SYN3: variants seen among roughly 807,000 people sequenced by gnomAD.
The protein encoded by SYN3 is synapsin-3.
In SYN3, 35 loss-of-function variants were observed where a neutral mutation model predicts 65.8. The ratio of observed to expected loss-of-function variants is 0.53; its 90% CI spans 0.41 to 0.70. SYN3 has a LOEUF of 0.70. Ranked by LOEUF, SYN3 falls within the 30% of genes least tolerant of loss-of-function variation. SYN3 has a pLI of 0.00. For missense variants in SYN3, 680 were observed against 749.0 expected (o/e 0.91, Z 1.08); for synonymous variants, 270 against 292.9 (o/e 0.92, Z 0.80).
intron 6 of SYN3, among the ~76,000 whole-genome samples, chr22:32,649,938 A>G (rs1681888109): frequency 6.6e-6 from 1 of 152,144 alleles, no homozygotes; most frequent in Admixed American, 6.5e-5. Context: ...ATCAGTGGGG[A>G]AAAAGCCAGG....
chr22:32,684,513 A>G (rs1344760218), intron 6 of SYN3, among the ~76,000 whole-genome samples: 1 of 152,186 alleles, frequency 6.6e-6, no homozygotes, highest in African/African-American at 2.4e-5. Flanking sequence ...CACCATCACC[A>G]AGCTCTTTTC....
intron 6 of SYN3, among the ~76,000 whole-genome samples, chr22:32,748,948 G>C (rs1303844763): frequency 1.3e-5 from 2 of 152,054 alleles, no homozygotes; most frequent in Non-Finnish European, 1.5e-5. Context: ...TTTCCCTCTG[G>C]GGCTTATTGA....
At chr22:32,595,527 T>C (rs1204096318) in intron 7 of SYN3, among the ~76,000 whole-genome samples, 3 of 152,196 alleles carry the variant, frequency 2.0e-5, no homozygotes, top group African/African-American at 7.2e-5. Flanking sequence ...TATTATATTA[T>C]TGACTTTTGC....
chr22:32,627,204 C>T lies in SYN3; in HGVS notation c.712-30468G>A, dbSNP rs1008000607. ...GCAGGGCTGGGCATCCGAGCTGGCA[C>T]GGTTCAAGTGCACCACAGCATTCTG... On this transcript the variant is annotated intron_variant, in intron 6 of 13. Coordinates refer to ENST00000358763, the MANE Select transcript of SYN3 (RefSeq NM_003490.4). Among the ~76,000 whole-genome samples the T allele has an allele frequency of 9.2e-5, 14 of 151,910 alleles. 1 individual carries two copies. The highest frequency in any genetic ancestry group is 8.3e-4 in the South Asian group (4 of 4,810).
intron 3 of SYN3, among the ~76,000 whole-genome samples, chr22:32,972,626 T>C (rs939846921): frequency 2.6e-5 from 4 of 152,182 alleles, no homozygotes; most frequent in Admixed American, 2.0e-4. Context: ...CTGCTTCTAG[T>C]GGTAGTTACA....
In SYN3 at chr22:32,837,304, G is replaced by A. The variant is rs2047760366; in HGVS notation, c.711+27611C>T. Among the ~76,000 whole-genome samples the A allele has an allele frequency of 6.6e-6, 1 of 152,188 alleles. No individual in the cohort carries two copies. The highest frequency in any genetic ancestry group is 2.1e-4 in the South Asian group (1 of 4,826). On this transcript the variant is annotated intron_variant, in intron 6 of 13. Coordinates refer to ENST00000358763, the MANE Select transcript of SYN3 (RefSeq NM_003490.4). The surrounding 1 kb of genome is among the most constrained non-coding windows in gnomAD (Gnocchi z 4.1). Reference sequence around the variant, plus strand: ...TCCCATGGGCCCCCGTGGAGAGGCTGGAGCACTCTCAGGGGATAGGGGGTG... The same window carrying A: ...TCCCATGGGCCCCCGTGGAGAGGCTAGAGCACTCTCAGGGGATAGGGGGTG...
At chr22:32,608,363 C>T (rs2059397897) in intron 6 of SYN3, among the ~76,000 whole-genome samples, 1 of 152,204 alleles carries the variant, frequency 6.6e-6, no homozygotes, top group Middle Eastern at 3.2e-3. Context: ...AGCCACCATG[C>T]CCAGCCCATG....
chr22:32,624,396 G>A (rs1165906652), intron 6 of SYN3, among the ~76,000 whole-genome samples: 3 of 152,158 alleles, frequency 2.0e-5, no homozygotes, highest in South Asian at 4.1e-4. Context: ...ACTGATGGTC[G>A]GTGGATACAC....
At chr22:32,637,525 T>A (rs2059832565) in intron 6 of SYN3, among the ~76,000 whole-genome samples, 1 of 152,138 alleles carries the variant, frequency 6.6e-6, no homozygotes, top group African/African-American at 2.4e-5. Flanking sequence ...TGCAGCTTTG[T>A]TACCTGGGCG....
chr22:32,683,196 A>G (rs2060546512), intron 6 of SYN3, among the ~76,000 whole-genome samples: 1 of 152,132 alleles, frequency 6.6e-6, no homozygotes, highest in Admixed American at 6.5e-5. Context: ...ATTCATGACC[A>G]TATCAATGGT....
intron 6 of SYN3, among the ~76,000 whole-genome samples, chr22:32,751,989 G>T (rs1016826080): frequency 2.6e-5 from 4 of 152,172 alleles, no homozygotes; most frequent in African/African-American, 9.7e-5. Flanking sequence ...TATTCTCTAG[G>T]TTGTTCGTTT....
At chr22:32,568,767 G>C (rs2058706042) in intron 7 of SYN3, among the ~76,000 whole-genome samples, 1 of 152,192 alleles carries the variant, frequency 6.6e-6, no homozygotes, top group African/African-American at 2.4e-5. Flanking sequence ...CAGACAGATA[G>C]GTGGATACCT....
chr22:32,897,228 C>A (rs1311783598), intron 4 of SYN3, among the ~76,000 whole-genome samples: 1 of 152,166 alleles, frequency 6.6e-6, no homozygotes, highest in African/African-American at 2.4e-5. Context: ...GCCGGCAGAC[C>A]TGTTGTTTTC....
chr22:33,010,438 C>T (rs527523732), intron 1 of SYN3, among the ~76,000 whole-genome samples: 47 of 152,284 alleles, frequency 3.1e-4, no homozygotes, highest in South Asian at 1.7e-3. Flanking sequence ...AAGTATTTTT[C>T]TCCCACTAAA....
intron 4 of SYN3, among the ~76,000 whole-genome samples, chr22:32,924,754 G>A (rs1166479879): frequency 6.6e-6 from 1 of 152,180 alleles, no homozygotes; most frequent in Non-Finnish European, 1.5e-5. Flanking sequence ...TTAAACAAGA[G>A]AAATTTATTC....
chr22:32,806,418 C>A (rs143420300), intron 6 of SYN3, among the ~76,000 whole-genome samples: 4 of 152,162 alleles, frequency 2.6e-5, no homozygotes, highest in African/African-American at 9.7e-5. Context: ...AACAACAACA[C>A]GATTCTCCAT....
At chr22:33,050,781 G>A (rs944451486) in intron 1 of SYN3, among the ~76,000 whole-genome samples, 2 of 152,150 alleles carry the variant, frequency 1.3e-5, no homozygotes, top group Non-Finnish European at 2.9e-5. Context: ...TACCAGCCCT[G>A]CCACTGAGCA....
rs183446032 is a variant in SYN3, at chr22:32,755,826, C to T, written c.711+109089G>A. Reference sequence around the variant, plus strand: ...TGAAACAAAATTCATAGTGAACCTACGTACACAATTTTTTTTAAAAAAGTT... The same window carrying T: ...TGAAACAAAATTCATAGTGAACCTATGTACACAATTTTTTTTAAAAAAGTT... On this transcript the variant is annotated intron_variant, in intron 6 of 13. Transcript: ENST00000358763. Among the ~76,000 whole-genome samples the T allele has an allele frequency of 6.0e-4, 91 of 152,202 alleles. 1 individual carries two copies. Among genetic ancestry groups the T allele is most frequent in the Middle Eastern group, 3.4e-3 (1 of 294 alleles).
In SYN3 at chr22:32,931,384, AC is replaced by A; in HGVS notation, c.461+5del. 3 of 1,599,600 alleles carry A rather than the reference AC, an allele frequency of 1.9e-6. No individual in the cohort carries two copies. Among genetic ancestry groups the A allele is most frequent in the South Asian group, 2.2e-5 (2 of 90,746 alleles). On this transcript the variant is annotated splice_donor_5th_base_variant and intron_variant, in intron 4 of 13. Coordinates refer to ENST00000358763, the MANE Select transcript of SYN3 (RefSeq NM_003490.4). ...AGAAGGTTCTGCATATTTTAATCCT[AC>A]TTACCTCACCACTTTGGTCCCATTT... is the stretch of plus-strand genomic sequence containing the variant.
Sources: allele counts gnomAD v4.1 joint callset (sites outside exome capture counted in the v4.1 genomes callset), GRCh38; gene constraint gnomAD v4.1.1; non-coding constraint Gnocchi (gnomAD v3.1); transcripts MANE v1.5; gene names NCBI Gene and HGNC (gene_info 2026-07-23, HGNC 2026-07-21).